SLC35F3: variants seen among roughly 807,000 people sequenced by gnomAD.
SLC35F3 encodes the protein putative thiamine transporter SLC35F3.
Under a neutral mutation model 49.9 loss-of-function variants are expected in SLC35F3, and 25 were observed. The ratio of observed to expected loss-of-function variants is 0.50; its 90% CI spans 0.37 to 0.70. The LOEUF (loss-of-function observed/expected upper bound fraction) is 0.70, where lower values mean the gene tolerates loss of function less well. Ranked by LOEUF, SLC35F3 falls within the 30% of genes least tolerant of loss-of-function variation. The pLI is 0.00. For missense variants in SLC35F3, 525 were observed against 639.8 expected (o/e 0.82, Z 1.94); for synonymous variants, 275 against 265.4 (o/e 1.04, Z -0.35).
intron 2 of SLC35F3, among the ~76,000 whole-genome samples, chr1:233,933,512 A>C (rs1662278863): frequency 6.6e-6 from 1 of 152,064 alleles, no homozygotes; most frequent in Non-Finnish European, 1.5e-5. Flanking sequence ...TTGTGTAGAG[A>C]ACTCAGATGA....
chr1:234,267,863 C>A (rs993846540), intron 3 of SLC35F3, among the ~76,000 whole-genome samples: 10 of 142,194 alleles, frequency 7.0e-5, no homozygotes, highest in Admixed American at 5.4e-4. Context: ...GACAGGGCGG[C>A]GGGGCAGAGG....
chr1:234,301,812 G>T (rs1424678228), intron 3 of SLC35F3, among the ~76,000 whole-genome samples: 1 of 152,140 alleles, frequency 6.6e-6, no homozygotes, highest in Non-Finnish European at 1.5e-5. Flanking sequence ...ATGATAGACT[G>T]GATAAAGAAA....
At position 234,288,083 on chromosome 1, in the gene SLC35F3, C is replaced by T. The variant is rs747840438; in HGVS notation, c.609-21018C>T. Among the ~76,000 whole-genome samples, 6 of 151,850 alleles carry T rather than the reference C, an allele frequency of 4.0e-5. No homozygotes were observed. In the East Asian group the frequency reaches 9.7e-4, roughly 25 times the overall value. On this transcript the variant is annotated intron_variant, in intron 3 of 7. Transcript: ENST00000366618. ...GTATTTTTTGTGGAGACTGGGGTCT[C>T]GCTATGTTGCCCAGCCTTGTCTTAA...
intron 2 of SLC35F3, among the ~76,000 whole-genome samples, chr1:233,954,241 C>T (rs544458987): frequency 6.2e-4 from 95 of 152,294 alleles, no homozygotes; most frequent in African/African-American, 2.1e-3. Flanking sequence ...CTCCTGACCT[C>T]GTGATCCGCC....
intron 2 of SLC35F3, among the ~76,000 whole-genome samples, chr1:234,155,900 A>G (rs541077080): frequency 2.0e-5 from 3 of 152,198 alleles, no homozygotes; most frequent in African/African-American, 7.2e-5. Flanking sequence ...TTGGTCAGTA[A>G]GACTTTTCTA....
chr1:233,980,596 A>G (rs56172822), intron 2 of SLC35F3, among the ~76,000 whole-genome samples: 2,230 of 152,276 alleles, frequency 0.015, 31 homozygotes, highest in Admixed American at 0.024. Flanking sequence ...TGCGTGACTA[A>G]AGACTGAGGG....
intron 3 of SLC35F3, among the ~76,000 whole-genome samples, chr1:234,249,464 C>T (rs1313443762): frequency 2.0e-5 from 3 of 152,170 alleles, no homozygotes; most frequent in Admixed American, 6.5e-5. Flanking sequence ...CTTATGCCAC[C>T]TCTTGTGGCA....
At chr1:234,055,349 A>G (rs1003735633) in intron 2 of SLC35F3, among the ~76,000 whole-genome samples, 8 of 152,182 alleles carry the variant, frequency 5.3e-5, no homozygotes, top group African/African-American at 1.9e-4. Flanking sequence ...CTCAAGCCTC[A>G]GCAATGGCGG....
At chr1:234,050,549 G>A (rs1664360939) in intron 2 of SLC35F3, among the ~76,000 whole-genome samples, 1 of 152,198 alleles carries the variant, frequency 6.6e-6, no homozygotes, top group South Asian at 2.1e-4. Context: ...CCCTTTGTCA[G>A]ATGAGTAGAT....
chr1:234,115,989 A>G (rs1303530385), intron 2 of SLC35F3, among the ~76,000 whole-genome samples: 1 of 152,176 alleles, frequency 6.6e-6, no homozygotes, highest in Non-Finnish European at 1.5e-5. Flanking sequence ...AGAGGAAGAA[A>G]GAAAAGGGGG....
chr1:234,064,645 A>G (rs1664589940), intron 2 of SLC35F3, among the ~76,000 whole-genome samples: 1 of 152,310 alleles, frequency 6.6e-6, no homozygotes, highest in Non-Finnish European at 1.5e-5. Context: ...ATTTTATGTA[A>G]TTAATTCCGC....
chr1:234,049,353 T>C (rs537165773), intron 2 of SLC35F3, among the ~76,000 whole-genome samples: 1 of 152,194 alleles, frequency 6.6e-6, no homozygotes, highest in Admixed American at 6.5e-5. Flanking sequence ...TCTCTCTATC[T>C]CCTCTCTCTT....
chr1:234,137,048 T>C (rs2102901045), intron 2 of SLC35F3, among the ~76,000 whole-genome samples: 1 of 152,344 alleles, frequency 6.6e-6, no homozygotes, highest in African/African-American at 2.4e-5. Flanking sequence ...TTAGTAGACA[T>C]GGCTCCAGCT....
intron 2 of SLC35F3, among the ~76,000 whole-genome samples, chr1:233,953,346 A>G (rs1662640484): frequency 6.6e-6 from 1 of 152,236 alleles, no homozygotes; most frequent in African/African-American, 2.4e-5. Context: ...AAACGGGACT[A>G]TGGAATTATA....
chr1:234,041,699 C>G (rs754569142), intron 2 of SLC35F3, among the ~76,000 whole-genome samples: 13 of 152,178 alleles, frequency 8.5e-5, no homozygotes, highest in Non-Finnish European at 1.2e-4. Context: ...CAAAGCAGGA[C>G]TGCATCACAA....
At chr1:233,944,072 C>T (rs1359781909) in intron 2 of SLC35F3, among the ~76,000 whole-genome samples, 1 of 152,066 alleles carries the variant, frequency 6.6e-6, no homozygotes, top group Non-Finnish European at 1.5e-5. Flanking sequence ...CACTAAATGC[C>T]CTATCCAAAA....
intron 2 of SLC35F3, among the ~76,000 whole-genome samples, chr1:234,179,685 G>A: frequency 6.6e-6 from 1 of 152,102 alleles, no homozygotes; most frequent in East Asian, 1.9e-4. Flanking sequence ...AAAAGAAAGG[G>A]TTTTATGAGC....
intron 2 of SLC35F3, among the ~76,000 whole-genome samples, chr1:233,984,005 G>C (rs912517099): frequency 1.3e-5 from 2 of 152,150 alleles, no homozygotes; most frequent in African/African-American, 4.8e-5. Context: ...GCTAGTCACT[G>C]TTGCCCCAAC....
rs1045956394 is a variant in SLC35F3, at chr1:234,214,347, C to T, written c.284-17070C>T. On this transcript the variant is annotated intron_variant, in intron 2 of 7. Transcript: ENST00000366618. This position sits in a 1 kb window ranked among gnomAD's most constrained non-coding sequence, Gnocchi z 8.0. ...AACGCGGCAACCGGAGCCCGGCGGG[C>T]AGCCGGGGAGGCCGGGACTGAGAGG... 5.3e-6 allele frequency: 7 copies of T among 1,314,246 alleles called. No individual in the cohort carries two copies. The highest frequency in any genetic ancestry group is 2.9e-4 in the Middle Eastern group (1 of 3,502). The allele number at this position is 1,314,246 out of a possible 1,614,324, so 81.4% of individuals were successfully genotyped here.
Sources: allele counts gnomAD v4.1 joint callset (sites outside exome capture counted in the v4.1 genomes callset), GRCh38; gene constraint gnomAD v4.1.1; non-coding constraint Gnocchi (gnomAD v3.1); transcripts MANE v1.5; gene names NCBI Gene and HGNC (gene_info 2026-07-23, HGNC 2026-07-21).